DCC: variants seen among roughly 807,000 people sequenced by gnomAD.
DCC encodes the protein netrin receptor DCC.
DCC carries 58 observed loss-of-function variants against 172.5 expected under a neutral mutation model. The observed-to-expected ratio is 0.34, with a 90% CI of 0.27 to 0.42. The LOEUF (loss-of-function observed/expected upper bound fraction) is 0.42, where lower values mean the gene tolerates loss of function less well. Ranked by LOEUF, DCC falls within the 10% of genes least tolerant of loss-of-function variation. The pLI is 1.00. For synonymous variants in DCC, 709 were observed against 644.5 expected (o/e 1.10, Z -1.52); for missense variants, 1,740 against 1,791.0 (o/e 0.97, Z 0.51).
chr18:52,570,830 G>C (rs549017550), intron 1 of DCC, among the ~76,000 whole-genome samples: 2 of 152,096 alleles, frequency 1.3e-5, no homozygotes, highest in Admixed American at 1.3e-4. Context: ...GTTTCTTTCT[G>C]TACTGTACAG....
intron 2 of DCC, among the ~76,000 whole-genome samples, chr18:52,830,755 C>G (rs1439891740): frequency 6.6e-6 from 1 of 152,108 alleles, no homozygotes; most frequent in Admixed American, 6.6e-5. Context: ...CCTCTTTTAT[C>G]TACCTTCATA....
In DCC at chr18:52,755,101, C is replaced by T. The variant is rs75198550; in HGVS notation, c.412+2727C>T. Among the ~76,000 whole-genome samples the T allele has an allele frequency of 1.5e-3, 234 of 152,290 alleles. No homozygotes were observed. The East Asian group carries it at 0.021, about 14-fold the overall frequency. On this transcript the variant is annotated intron_variant, in intron 2 of 28. Transcript: ENST00000442544. ...TCAGATTTGGTAAAAGCAGCTTTCT[C>T]AGAATGCTCCAAATGAAGTGGAAAG...
rs981092279 is a variant in DCC, at chr18:53,515,857, C to G, written c.4112-10760C>G. Among the ~76,000 whole-genome samples, 1,203 of 151,296 alleles carry G rather than the reference C, an allele frequency of 8.0e-3. 9 individuals are homozygous for G. The highest frequency in any genetic ancestry group is 0.024 in the Middle Eastern group (7 of 290). ...CATGGGTAGGAAGAATCAATATCGT[C>G]AAAATGGCCATACTGCCCAAGGTAA... On this transcript the variant is annotated intron_variant, in intron 27 of 28. Coordinates refer to ENST00000442544, the MANE Select transcript of DCC (RefSeq NM_005215.4).
intron 1 of DCC, among the ~76,000 whole-genome samples, chr18:52,664,470 C>CTTTTTTTTTTTTTTTTTTTTTT (rs74178680): frequency 4.0e-5 from 4 of 99,800 alleles, no homozygotes; most frequent in Non-Finnish European, 7.6e-5. Flanking sequence ...TTTTCTTTTT[C>CTTTTTTTTTTTTTTTTTTTTTT]TTTTTCTTTT....
At chr18:53,510,070 C>T (rs142893028) in intron 27 of DCC, among the ~76,000 whole-genome samples, 248 of 152,198 alleles carry the variant, frequency 1.6e-3, no homozygotes, top group African/African-American at 5.0e-3. Context: ...TCAGAGCCAC[C>T]GCTGTCCATG....
In DCC at chr18:53,204,104, G is replaced by T. The variant is rs2055586779; in HGVS notation, c.1574-1112G>T. Among the ~76,000 whole-genome samples, 4 of 141,898 alleles carry T rather than the reference G, an allele frequency of 2.8e-5. No homozygotes were observed. In the South Asian group the frequency reaches 8.4e-4, roughly 30 times the overall value. 93.1% of individuals were successfully genotyped at this position (141,898 alleles called of 152,430 possible). ...ATTTGATTAACAATGTAAACAATTTGATATGAGTATCATATGCTTTACTGC... is the reference window on the plus strand; with the variant it reads ...ATTTGATTAACAATGTAAACAATTTTATATGAGTATCATATGCTTTACTGC... On this transcript the variant is annotated intron_variant, in intron 9 of 28. Transcript: ENST00000442544.
intron 1 of DCC, among the ~76,000 whole-genome samples, chr18:52,672,110 AAAAAC>A (rs2035565024): frequency 6.6e-6 from 1 of 152,144 alleles, no homozygotes; most frequent in Non-Finnish European, 1.5e-5. Context: ...TACAAAAACA[AAAAAC>A]AAAAACAAAA....
intron 12 of DCC, among the ~76,000 whole-genome samples, chr18:53,261,551 C>T (rs2056603303): frequency 6.6e-6 from 1 of 152,066 alleles, no homozygotes; most frequent in Non-Finnish European, 1.5e-5. Context: ...GGTGGGCAGG[C>T]CTATGCATAC....
At chr18:53,075,841 C>T (rs1390609239) in intron 7 of DCC, among the ~76,000 whole-genome samples, 1 of 152,092 alleles carries the variant, frequency 6.6e-6, no homozygotes, top group Non-Finnish European at 1.5e-5. Flanking sequence ...ACTGTAACCC[C>T]CACCAGTGCA....
intron 1 of DCC, among the ~76,000 whole-genome samples, chr18:52,685,718 G>T (rs2035820440): frequency 6.6e-6 from 1 of 151,986 alleles, no homozygotes; most frequent in African/African-American, 2.4e-5. Context: ...TTTCTCTGTT[G>T]TCCACTTCTT....
At chr18:52,563,442 G>T (rs2144744042) in intron 1 of DCC, among the ~76,000 whole-genome samples, 1 of 152,214 alleles carries the variant, frequency 6.6e-6, no homozygotes, top group African/African-American at 2.4e-5. Context: ...AAGGAGGGAT[G>T]TGTCTAAATA....
intron 26 of DCC, among the ~76,000 whole-genome samples, chr18:53,491,628 T>C (rs189597318): frequency 6.6e-6 from 1 of 152,208 alleles, no homozygotes; most frequent in Non-Finnish European, 1.5e-5. Context: ...CTGAGAATGA[T>C]GGTTTCCTCC....
At chr18:52,689,845 T>C (rs746212461) in intron 1 of DCC, among the ~76,000 whole-genome samples, 17 of 152,130 alleles carry the variant, frequency 1.1e-4, no homozygotes, top group South Asian at 2.1e-4. Context: ...GATTGGATAG[T>C]AGAAAAGTTA....
chr18:52,613,537 G>T (rs938937663), intron 1 of DCC, among the ~76,000 whole-genome samples: 3 of 152,130 alleles, frequency 2.0e-5, no homozygotes, highest in Admixed American at 1.3e-4. Flanking sequence ...TTACAGGGGT[G>T]AGCCACCACA....
At chr18:53,018,638 T>C (rs1191953659) in intron 5 of DCC, among the ~76,000 whole-genome samples, 2 of 152,290 alleles carry the variant, frequency 1.3e-5, no homozygotes, top group East Asian at 1.9e-4. Context: ...GGGTTTATTA[T>C]GTTGCATAGA....
At chr18:53,157,582 C>A in intron 8 of DCC, 70 bp downstream of exon 8, 1 of 1,520,724 alleles carries the variant, frequency 6.6e-7, no homozygotes, top group Non-Finnish European at 9.0e-7. Flanking sequence ...TGGGTAATGG[C>A]AGGAGGAGAT....
intron 7 of DCC, among the ~76,000 whole-genome samples, chr18:53,084,501 G>A (rs558422248): frequency 6.6e-6 from 1 of 152,110 alleles, no homozygotes; most frequent in Non-Finnish European, 1.5e-5. Context: ...ATGAGTTGCT[G>A]CTCTCTGGTG....
At chr18:53,323,632 G>GTGGA (rs964849139) in intron 14 of DCC, among the ~76,000 whole-genome samples, 13 of 151,988 alleles carry the variant, frequency 8.6e-5, no homozygotes, top group African/African-American at 2.9e-4. Context: ...CTTAGGATGG[G>GTGGA]TGGATGGATG....
At chr18:53,013,318 CTAGA>C (rs1435634988) in intron 5 of DCC, among the ~76,000 whole-genome samples, 4 of 151,922 alleles carry the variant, frequency 2.6e-5, no homozygotes, top group African/African-American at 7.3e-5. Context: ...AATTGATAGA[CTAGA>C]TAAAGAAAAT....
Sources: gnomAD v4.1 joint callset for allele counts (sites outside exome capture counted in the v4.1 genomes callset) on GRCh38, gnomAD v4.1.1 for gene constraint, MANE v1.5 for transcripts, NCBI Gene and HGNC (gene_info 2026-07-23, HGNC 2026-07-21) for gene names.